The following RFC3 variants were observed in gnomAD, a reference collection of about 807,000 sequenced individuals.
The protein encoded by RFC3 is A1 38 kDa subunit.
In RFC3, 41 loss-of-function variants were observed where a neutral mutation model predicts 45.1. The ratio of observed to expected loss-of-function variants is 0.91; its 90% CI spans 0.71 to 1.18. RFC3 has a LOEUF of 1.18. RFC3 is among the 50% of genes most tolerant of loss of function. The probability of loss-of-function intolerance (pLI) is 0.00; values close to 1 mark genes in which losing one functional copy is unlikely to be tolerated. For synonymous variants in RFC3, 149 were observed against 144.0 expected (o/e 1.03, Z -0.25); for missense variants, 423 against 428.1 (o/e 0.99, Z 0.10).
intron 8 of RFC3, among the ~76,000 whole-genome samples, chr13:33,962,779 C>A (rs1174888941): frequency 6.6e-6 from 1 of 151,978 alleles, no homozygotes; most frequent in Non-Finnish European, 1.5e-5. Context: ...ATACATAAGA[C>A]ACAATGAAGC....
chr13:33,897,914 A>G (rs1315288619), intron 8 of RFC3, among the ~76,000 whole-genome samples: 1 of 152,006 alleles, frequency 6.6e-6, no homozygotes, highest in South Asian at 2.1e-4. Flanking sequence ...CCAAGTATAT[A>G]TAAAAACATT....
intron 8 of RFC3, among the ~76,000 whole-genome samples, chr13:33,853,149 C>G (rs1444976897): frequency 6.6e-6 from 1 of 152,110 alleles, no homozygotes; most frequent in Non-Finnish European, 1.5e-5. Context: ...CTTTCAGGAT[C>G]AAGGAGGGCT....
intron 2 of RFC3, among the ~76,000 whole-genome samples, chr13:33,821,729 A>T (rs538022315): frequency 4.3e-4 from 65 of 152,328 alleles, no homozygotes; most frequent in Non-Finnish European, 7.5e-4. Flanking sequence ...GCTTTCTGTG[A>T]TCTTGCCCTT....
chr13:33,876,140 T>G (rs2082445111), intron 8 of RFC3, among the ~76,000 whole-genome samples: 1 of 152,174 alleles, frequency 6.6e-6, no homozygotes, highest in East Asian at 1.9e-4. Flanking sequence ...CAGTTCCCAC[T>G]CCTACCACCA....
chr13:33,930,761 T>C (rs554020269), intron 8 of RFC3, among the ~76,000 whole-genome samples: 1 of 152,256 alleles, frequency 6.6e-6, no homozygotes, highest in Non-Finnish European at 1.5e-5. Flanking sequence ...TCTTACTAAT[T>C]ATATGTATCG....
chr13:33,901,075 C>T (rs1050985635), intron 8 of RFC3, among the ~76,000 whole-genome samples: 5 of 151,804 alleles, frequency 3.3e-5, no homozygotes, highest in African/African-American at 4.8e-5. Flanking sequence ...GAGGGGGACC[C>T]CTTATACGCT....
intron 8 of RFC3, among the ~76,000 whole-genome samples, chr13:33,855,520 G>C (rs549079102): frequency 1.4e-4 from 22 of 152,206 alleles, no homozygotes; most frequent in Non-Finnish European, 2.5e-4. Context: ...TGGAATAATA[G>C]TTCTATTTTT....
chr13:33,894,244 A>G (rs2082582574), intron 8 of RFC3, among the ~76,000 whole-genome samples: 1 of 152,174 alleles, frequency 6.6e-6, no homozygotes, highest in African/African-American at 2.4e-5. Flanking sequence ...CTGGCAATCC[A>G]GGATATGGGG....
intron 8 of RFC3, among the ~76,000 whole-genome samples, chr13:33,937,563 C>T (rs1169965987): frequency 6.6e-6 from 1 of 152,132 alleles, no homozygotes; most frequent in Non-Finnish European, 1.5e-5. Flanking sequence ...AAGCCTCTGT[C>T]TTTTGACTCT....
At chr13:33,904,760 TC>T (rs1398709996) in intron 8 of RFC3, among the ~76,000 whole-genome samples, 3 of 152,024 alleles carry the variant, frequency 2.0e-5, no homozygotes, top group Non-Finnish European at 2.9e-5. Flanking sequence ...TGCCCACGTC[TC>T]CCAGGTGACT....
At chr13:33,834,298 G>GTATATTATATATA (rs1555308471) in intron 7 of RFC3, among the ~76,000 whole-genome samples, 7 of 109,206 alleles carry the variant, frequency 6.4e-5, no homozygotes, top group African/African-American at 2.9e-4. Context: ...TGTACTGTGT[G>GTATATTATATATA]TATATATATA....
At chr13:33,961,810 T>G (rs1367480606) in intron 8 of RFC3, among the ~76,000 whole-genome samples, 1 of 152,250 alleles carries the variant, frequency 6.6e-6, no homozygotes, top group Non-Finnish European at 1.5e-5. Flanking sequence ...AATAGTGCTT[T>G]GGAAGCCTTG....
At chr13:33,877,920 G>A (rs533573619) in intron 8 of RFC3, among the ~76,000 whole-genome samples, 40 of 150,382 alleles carry the variant, frequency 2.7e-4, no homozygotes, top group Non-Finnish European at 4.3e-4. Context: ...TATAATATAG[G>A]CTATTATAGC....
chr13:33,823,478 T>C (rs1053151428), intron 2 of RFC3, among the ~76,000 whole-genome samples: 3 of 152,198 alleles, frequency 2.0e-5, no homozygotes, highest in Admixed American at 6.5e-5. Flanking sequence ...TGCCAAGATA[T>C]ATTAAGTAGG....
downstream of RFC3, among the ~76,000 whole-genome samples, chr13:33,841,347 T>C (rs1593628363): frequency 6.6e-6 from 1 of 152,224 alleles, no homozygotes; most frequent in Non-Finnish European, 1.5e-5. Context: ...TGAATACTTC[T>C]GTAGCCACCT....
Position 33,819,027 on chromosome 13 carries a change from A to T in RFC3, c.87+762A>T, listed in dbSNP as rs3135539. Among the ~76,000 whole-genome samples, 558 of 151,398 alleles carry T rather than the reference A, an allele frequency of 3.7e-3. 7 individuals are homozygous for T. The highest frequency in any genetic ancestry group is 0.013 in the African/African-American group (541 of 41,250). On this transcript the variant is annotated intron_variant, in intron 1 of 8. Coordinates refer to ENST00000380071, the MANE Select transcript of RFC3 (RefSeq NM_002915.4). ...TGCCTCAGCCTCCCGAGTAGCTGGG[A>T]TTACAGGCGCCCGCCACCACGCACA... is the stretch of plus-strand genomic sequence containing the variant.
intron 8 of RFC3, among the ~76,000 whole-genome samples, chr13:33,932,258 C>A (rs1182067781): frequency 6.6e-6 from 1 of 152,076 alleles, no homozygotes; most frequent in Non-Finnish European, 1.5e-5. Flanking sequence ...GAAATTATTC[C>A]TTAATGCCAT....
chr13:33,826,372 C>G (rs1462881369), intron 4 of RFC3, among the ~76,000 whole-genome samples: 1 of 152,078 alleles, frequency 6.6e-6, no homozygotes, highest in Non-Finnish European at 1.5e-5. Flanking sequence ...TAGATTTATA[C>G]TACCAATAGC....
intron 8 of RFC3, chr13:33,846,775 A>G (rs1389744651): frequency 6.6e-6 from 1 of 152,132 alleles, no homozygotes; most frequent in Admixed American, 6.6e-5. Flanking sequence ...GCTGGAACTC[A>G]GTTTCTGCCC....
Sources: gnomAD v4.1 joint callset for allele counts (sites outside exome capture counted in the v4.1 genomes callset) on GRCh38, gnomAD v4.1.1 for gene constraint, MANE v1.5 for transcripts, NCBI Gene and HGNC (gene_info 2026-07-23, HGNC 2026-07-21) for gene names.